The following TTC23L variants were observed in gnomAD, a reference collection of about 807,000 sequenced individuals.
TTC23L encodes the protein tetratricopeptide repeat protein 23-like.
In TTC23L, 42 loss-of-function variants were observed where a neutral mutation model predicts 48.1. That is an observed-to-expected ratio of 0.87 (90% CI 0.68 to 1.13). The LOEUF is 1.13. TTC23L is among the 50% of genes most tolerant of loss of function. TTC23L has a pLI of 0.00. For missense variants in TTC23L, 391 were observed against 421.0 expected (o/e 0.93, Z 0.62); for synonymous variants, 159 against 157.2 (o/e 1.01, Z -0.09).
intron 8 of TTC23L, among the ~76,000 whole-genome samples, chr5:34,879,785 C>G (rs549394631): frequency 6.6e-6 from 1 of 152,204 alleles, no homozygotes; most frequent in Non-Finnish European, 1.5e-5. Context: ...ATCACGAGGT[C>G]AAGAGATTGA....
At chr5:34,895,786 G>A (rs1221141223) in intron 9 of TTC23L, among the ~76,000 whole-genome samples, 1 of 152,166 alleles carries the variant, frequency 6.6e-6, no homozygotes, top group Non-Finnish European at 1.5e-5. Flanking sequence ...AAAGAAAGGA[G>A]GTGATATGCT....
intron 9 of TTC23L, chr5:34,882,946 A>G (rs1422725083): frequency 6.6e-6 from 1 of 152,642 alleles, no homozygotes; most frequent in Non-Finnish European, 1.5e-5. Context: ...AGACTGAGGC[A>G]GGAAGATCAC....
chr5:34,923,807 AT>A, the TTC23L span, among the ~76,000 whole-genome samples: 1 of 152,168 alleles, frequency 6.6e-6, no homozygotes, highest in African/African-American at 2.4e-5. Context: ...CCCTAAAGAG[AT>A]TGCTGCAAGT....
intron 4 of TTC23L, among the ~76,000 whole-genome samples, chr5:34,851,280 A>C (rs947198563): frequency 4.6e-5 from 7 of 152,224 alleles, no homozygotes; most frequent in Non-Finnish European, 8.8e-5. Context: ...TGAAGGCTAC[A>C]GGAAAAGGGA....
At chr5:34,893,874 A>G (rs1763031016) in intron 9 of TTC23L, among the ~76,000 whole-genome samples, 1 of 152,310 alleles carries the variant, frequency 6.6e-6, no homozygotes, top group East Asian at 1.9e-4. Flanking sequence ...ACGAGGAGAC[A>G]CTTCAAAGAG....
intron 9 of TTC23L, among the ~76,000 whole-genome samples, chr5:34,880,972 A>G (rs748630335): frequency 3.9e-5 from 6 of 151,970 alleles, no homozygotes; most frequent in Non-Finnish European, 7.4e-5. Flanking sequence ...TTTTACAGCT[A>G]TACTTTGTTG....
intron 6 of TTC23L, among the ~76,000 whole-genome samples, chr5:34,865,422 C>T (rs972935086): frequency 5.9e-5 from 9 of 152,152 alleles, no homozygotes; most frequent in Admixed American, 4.6e-4. Context: ...GACTTAAGTC[C>T]ACAGGGCAAT....
intron 8 of TTC23L, among the ~76,000 whole-genome samples, chr5:34,870,835 T>C (rs1761400086): frequency 6.6e-6 from 1 of 152,176 alleles, no homozygotes; most frequent in African/African-American, 2.4e-5. Context: ...TATTCAAATC[T>C]CAGTCAGTTT....
chr5:34,918,164 G>T, the TTC23L span: 3 of 317,292 alleles, frequency 9.5e-6, no homozygotes, highest in African/African-American at 2.3e-5. Context: ...AAAAAAACTA[G>T]CTGGACATGG....
chr5:34,864,974 T>C (rs1013328520), intron 6 of TTC23L, among the ~76,000 whole-genome samples: 1 of 152,238 alleles, frequency 6.6e-6, no homozygotes, highest in African/African-American at 2.4e-5. Flanking sequence ...ACATTTTAGA[T>C]GAAGGAACAC....
At chr5:34,886,073 T>C (rs1762521337) in intron 9 of TTC23L, among the ~76,000 whole-genome samples, 1 of 152,214 alleles carries the variant, frequency 6.6e-6, no homozygotes. Context: ...TCATAGGCTC[T>C]ATGATCTGGG....
chr5:34,919,628 G>A, the TTC23L span, among the ~76,000 whole-genome samples: 2 of 152,130 alleles, frequency 1.3e-5, no homozygotes, highest in Non-Finnish European at 2.9e-5. Flanking sequence ...AATTCTTACA[G>A]ACTATATTTT....
downstream of TTC23L, among the ~76,000 whole-genome samples, chr5:34,900,546 A>G (rs78228565): frequency 1.2e-3 from 180 of 152,260 alleles, no homozygotes; most frequent in African/African-American, 4.2e-3. Flanking sequence ...ACATTACTGT[A>G]TTTATTGATT....
the TTC23L span, chr5:34,915,326 T>A: frequency 4.1e-6 from 1 of 245,052 alleles, no homozygotes; most frequent in South Asian, 6.7e-5. Context: ...CAGATAATCC[T>A]CCAAGAGTCC....
At chr5:34,896,770 G>A (rs768817924) in exon 10 of TTC23L, 2 of 768,784 alleles carry the variant, frequency 2.6e-6, no homozygotes, top group East Asian at 4.9e-5. Context: ...TTTCTTAAAG[G>A]ACAAGTAGCA....
chr5:34,884,471 A>G (rs1762426315), intron 9 of TTC23L, among the ~76,000 whole-genome samples: 1 of 152,038 alleles, frequency 6.6e-6, no homozygotes, highest in African/African-American at 2.4e-5. Flanking sequence ...AAGTAGAATT[A>G]TTTCTGTTTG....
chr5:34,910,109 A>T, the TTC23L span, among the ~76,000 whole-genome samples: 1 of 152,142 alleles, frequency 6.6e-6, no homozygotes, highest in Non-Finnish European at 1.5e-5. Context: ...CCTGAGCACC[A>T]TAACTACATA....
At chr5:34,914,970 A>T in the TTC23L span, 1 of 1,505,550 alleles carries the variant, frequency 6.6e-7, no homozygotes, top group African/African-American at 1.4e-5. Flanking sequence ...ACCTGAAGGG[A>T]TTAGACAGTA....
At chr5:34,882,618 T>C (rs1370145362) in intron 9 of TTC23L, among the ~76,000 whole-genome samples, 3 of 140,972 alleles carry the variant, frequency 2.1e-5, no homozygotes, top group South Asian at 5.0e-4. Context: ...TCCCATGGAC[T>C]ACACACACAC....
Sources: allele counts gnomAD v4.1 joint callset (sites outside exome capture counted in the v4.1 genomes callset), GRCh38; gene constraint gnomAD v4.1.1; transcripts MANE v1.5; gene names NCBI Gene and HGNC (gene_info 2026-07-23, HGNC 2026-07-21).